Variants in CYP2C19 observed in about 807,000 individuals in gnomAD.
The protein encoded by CYP2C19 is cytochrome P450 2C19.
A neutral mutation model predicts 40.9 loss-of-function variants in CYP2C19; 59 were observed. That is an observed-to-expected ratio of 1.44 (90% CI 1.17 to 1.79). The LOEUF is 1.79. CYP2C19 is among the 40% of genes most tolerant of loss of function. CYP2C19 has a pLI of 0.00. For missense variants in CYP2C19, 754 were observed against 596.9 expected (o/e 1.26, Z -2.74); for synonymous variants, 253 against 208.7 (o/e 1.21, Z -1.83).
chr10:94,795,237 A>G (rs1291098407), intron 5 of CYP2C19, among the ~76,000 whole-genome samples: 1 of 142,014 alleles, frequency 7.0e-6, no homozygotes, highest in Non-Finnish European at 1.5e-5. Flanking sequence ...CCCACCTATG[A>G]GTGAGAACAT....
intron 6 of CYP2C19, among the ~76,000 whole-genome samples, chr10:94,836,000 G>C (rs1331724905): frequency 6.6e-6 from 1 of 152,154 alleles, no homozygotes; most frequent in African/African-American, 2.4e-5. Context: ...AGTTCCCCTC[G>C]AGTGGTGTAG....
At chr10:94,835,611 C>G (rs964900706) in intron 6 of CYP2C19, among the ~76,000 whole-genome samples, 1 of 152,030 alleles carries the variant, frequency 6.6e-6, no homozygotes, top group African/African-American at 2.4e-5. Flanking sequence ...ATGACCCCAG[C>G]AGTGTAAGAC....
Position 94,780,646 on chromosome 10 carries a change from C to A in CYP2C19, c.629C>A (p.Thr210Asn), listed in dbSNP as rs765456449. 2.0e-5 allele frequency: 32 copies of A among 1,613,464 alleles called. No homozygotes were observed. The East Asian group carries it at 6.7e-4, about 34-fold the overall frequency. ...AATGAAAACATCAGGATTGTAAGCA[C>A]CCCCTGGATCCAGGTAAGGCCAAGT... ...KLNENIRIVSTPWIQICNNFP... is the reference protein window; with the variant it reads ...KLNENIRIVSNPWIQICNNFP... Residue 210 changes from threonine (T) to asparagine (N), a missense_variant, in exon 4 of 9, where the codon ACC becomes AAC. By Grantham distance (65) the Thr-to-Asn change is moderately conservative. Coordinates refer to ENST00000371321, the MANE Select transcript of CYP2C19 (RefSeq NM_000769.4).
At chr10:94,771,390 ATTC>A (rs935340220) in intron 1 of CYP2C19, among the ~76,000 whole-genome samples, 8 of 152,244 alleles carry the variant, frequency 5.3e-5, no homozygotes, top group South Asian at 2.1e-4. Flanking sequence ...ATAGTTGTGT[ATTC>A]TTCTTCAATG....
chr10:94,804,509 A>T (rs1848807115), intron 5 of CYP2C19, among the ~76,000 whole-genome samples: 1 of 152,216 alleles, frequency 6.6e-6, no homozygotes, highest in Non-Finnish European at 1.5e-5. Flanking sequence ...GTATGGGAAA[A>T]TGTGTGCAGC....
chr10:94,817,741 C>T (rs562566616), intron 5 of CYP2C19, among the ~76,000 whole-genome samples: 24 of 151,984 alleles, frequency 1.6e-4, no homozygotes, highest in Non-Finnish European at 2.9e-4. Context: ...TGGCCGGGTG[C>T]GGTGGCTCAC....
intron 1 of CYP2C19, among the ~76,000 whole-genome samples, chr10:94,770,170 T>A (rs112698118): frequency 0.011 from 1,648 of 152,196 alleles, 16 homozygotes; most frequent in Middle Eastern, 0.027. Context: ...GTGAGGGTGA[T>A]GACATGGGCT....
chr10:94,852,607 C>T (rs1178725451), intron 8 of CYP2C19, 126 bp from the exon 9 acceptor site: 2 of 988,916 alleles, frequency 2.0e-6, no homozygotes, highest in East Asian at 4.9e-5. Flanking sequence ...CATCTATCTA[C>T]TCATCCCTCC....
chr10:94,777,521 C>A (rs1173082613), intron 3 of CYP2C19, among the ~76,000 whole-genome samples: 2 of 152,032 alleles, frequency 1.3e-5, no homozygotes, highest in Non-Finnish European at 2.9e-5. Context: ...ATCTGATCTT[C>A]AACAAACCTG....
At chr10:94,822,734 C>T (rs1049085940) in intron 6 of CYP2C19, among the ~76,000 whole-genome samples, 3 of 152,098 alleles carry the variant, frequency 2.0e-5, no homozygotes, top group African/African-American at 4.8e-5. Context: ...ACCAGCATCT[C>T]TTGTTTTTGG....
At chr10:94,812,432 T>C (rs1029075986) in intron 5 of CYP2C19, among the ~76,000 whole-genome samples, 9 of 151,952 alleles carry the variant, frequency 5.9e-5, no homozygotes, top group Admixed American at 6.6e-5. Flanking sequence ...TCTTGCTAGA[T>C]TGTGGAAGTT....
chr10:94,796,603 G>A (rs1163321309), intron 5 of CYP2C19, among the ~76,000 whole-genome samples: 4 of 152,004 alleles, frequency 2.6e-5, no homozygotes, highest in African/African-American at 4.8e-5. Context: ...CCATTTTCAC[G>A]ATATTGATTC....
intron 6 of CYP2C19, among the ~76,000 whole-genome samples, chr10:94,840,893 C>T (rs188435494): frequency 1.3e-5 from 2 of 152,348 alleles, no homozygotes; most frequent in East Asian, 1.9e-4. Context: ...TCATTTTTAA[C>T]TGGCCGACAG....
At chr10:94,764,307 T>C (rs1197060408) in intron 1 of CYP2C19, among the ~76,000 whole-genome samples, 1 of 152,130 alleles carries the variant, frequency 6.6e-6, no homozygotes, top group East Asian at 1.9e-4. Flanking sequence ...TGCAGAGTGC[T>C]GATTGATCTG....
intron 5 of CYP2C19, among the ~76,000 whole-genome samples, chr10:94,806,920 A>G (rs1052498057): frequency 3.9e-5 from 6 of 151,940 alleles, no homozygotes; most frequent in African/African-American, 1.4e-4. Context: ...CTGCTCTTCT[A>G]GCTATTTGAA....
Position 94,830,407 on chromosome 10 carries a change from G to T in CYP2C19, c.961+9770G>T, listed in dbSNP as rs577540871. ...AAAAGCGCAGTATTCGGGTGGGAGT[G>T]ACCCGATTTTCCAGGTGCCGTCTGT... On this transcript the variant is annotated intron_variant, in intron 6 of 8. Coordinates refer to ENST00000371321, the MANE Select transcript of CYP2C19 (RefSeq NM_000769.4). Among the ~76,000 whole-genome samples the T allele has an allele frequency of 9.1e-4, 139 of 152,312 alleles. 1 individual carries two copies. The highest frequency in any genetic ancestry group is 3.2e-3 in the African/African-American group (135 of 41,586).
chr10:94,836,114 G>T (rs1849399704), intron 6 of CYP2C19, among the ~76,000 whole-genome samples: 3 of 152,208 alleles, frequency 2.0e-5, no homozygotes, highest in African/African-American at 4.8e-5. Flanking sequence ...TGCAGCACTG[G>T]CTCTTCAAGT....
chr10:94,775,318 A>G (rs1194043355), intron 2 of CYP2C19, 72 bp from the exon 3 acceptor site: 6 of 1,612,306 alleles, frequency 3.7e-6, no homozygotes, highest in Admixed American at 3.3e-5. Context: ...GCCCATCCAC[A>G]TGGCTGCCCA....
chr10:94,800,568 AG>A (rs1848749598), intron 5 of CYP2C19, among the ~76,000 whole-genome samples: 2 of 152,192 alleles, frequency 1.3e-5, no homozygotes, highest in African/African-American at 4.8e-5. Context: ...GCTGTCAGAT[AG>A]GGATGTTTAA....
Sources: gnomAD v4.1 joint callset for allele counts (sites outside exome capture counted in the v4.1 genomes callset) on GRCh38, gnomAD v4.1.1 for gene constraint, MANE v1.5 for transcripts, NCBI Gene and HGNC (gene_info 2026-07-23, HGNC 2026-07-21) for gene names.